Variants in MYT1L observed in about 807,000 individuals in gnomAD.
The protein encoded by MYT1L is myelin transcription factor 1 like, also known as myelin transcription factor 1-like protein.
MYT1L carries 12 observed loss-of-function variants against 126.7 expected under a neutral mutation model. The observed-to-expected ratio is 0.09, with a 90% CI of 0.06 to 0.15. The LOEUF (loss-of-function observed/expected upper bound fraction) is 0.15. MYT1L is among the 10% of genes least tolerant of loss of function. The pLI, the probability that MYT1L is intolerant of heterozygous loss-of-function variation, is 1.00. For synonymous variants in MYT1L, 541 were observed against 604.2 expected, an observed-to-expected ratio of 0.90 and a Z score of 1.53; for missense variants, 979 against 1,585.2, an observed-to-expected ratio of 0.62 and a Z score of 6.49.
chr2:1,982,460 A>G (rs2060683360), intron 5 of MYT1L, among the ~76,000 whole-genome samples: 1 of 152,240 alleles, frequency 6.6e-6, no homozygotes, highest in South Asian at 2.1e-4. Context: ...CTTCCATTGG[A>G]TTCCATGGAT....
intron 19 of MYT1L, among the ~76,000 whole-genome samples, chr2:1,843,776 C>A (rs1355088530): frequency 6.6e-6 from 1 of 152,208 alleles, no homozygotes; most frequent in Non-Finnish European, 1.5e-5. Flanking sequence ...AGGCCCTGCC[C>A]CCTGCCCTGT....
At chr2:2,177,905 T>C (rs1252346759) in intron 2 of MYT1L, among the ~76,000 whole-genome samples, 1 of 152,178 alleles carries the variant, frequency 6.6e-6, no homozygotes, top group Non-Finnish European at 1.5e-5. Context: ...TGTGCATGTG[T>C]GTGAATACAG....
rs1402193591 is a variant in MYT1L, at chr2:1,943,434, T to TA, written c.153-101dup. 1 of 1,318,512 alleles carries TA rather than the reference T, an allele frequency of 7.6e-7. No homozygotes were observed. Among genetic ancestry groups the TA allele is most frequent in the Non-Finnish European group, 1.0e-6 (1 of 991,844 alleles). The allele number at this position is 1,318,512 out of a possible 1,614,324, so 81.7% of individuals were successfully genotyped here. A position where few individuals can be genotyped will look rare whatever the true frequency, so the allele number is the denominator to read the frequency against. On this transcript the variant is annotated intron_variant, in intron 8 of 24. Transcript: ENST00000647738. This position sits in a 1 kb window ranked among gnomAD's most constrained non-coding sequence, Gnocchi z 4.4. The stretch of plus-strand genomic sequence containing the variant: ...CAATGGGGGCCTTGATCAAGGTACT[T>TA]AAAGGCTTATCATGAATGTCATCAG...
At position 1,979,753 on chromosome 2, in the gene MYT1L, G is replaced by T; in HGVS notation, c.25C>A (p.Arg9=). ...ACCCCTTTGGACCGCGTGCGATGCC[G>T]CTTCTCCTCGGTGTCCACCTCCATC... MEVDTEEK[R]HRTRSKGVRV... The change falls in exon 6 of 25, where the codon CGG becomes AGG. Residue 9 remains arginine (R), a synonymous_variant. Coordinates refer to ENST00000647738, the MANE Select transcript of MYT1L (RefSeq NM_001303052.2). This position sits in a 1 kb window ranked among gnomAD's most constrained non-coding sequence, Gnocchi z 4.0. The T allele has an allele frequency of 2.5e-6, 4 of 1,613,950 alleles. No individual in the cohort carries two copies. The highest frequency in any genetic ancestry group is 3.4e-6 in the Non-Finnish European group (4 of 1,179,890).
intron 8 of MYT1L, among the ~76,000 whole-genome samples, chr2:1,966,775 G>GAA (rs11443833): frequency 0.054 from 7,856 of 145,684 alleles, 235 homozygotes; most frequent in African/African-American, 0.074. Flanking sequence ...AATGTTAAGT[G>GAA]AAAAAAAAAA....
intron 2 of MYT1L, among the ~76,000 whole-genome samples, chr2:2,192,953 T>C (rs2092658988): frequency 6.6e-6 from 1 of 152,134 alleles, no homozygotes; most frequent in South Asian, 2.1e-4. Flanking sequence ...GTATACTCCC[T>C]GGCTCTTCAG....
intron 2 of MYT1L, among the ~76,000 whole-genome samples, chr2:2,203,021 C>A (rs907765676): frequency 6.6e-6 from 1 of 150,652 alleles, no homozygotes; most frequent in African/African-American, 2.5e-5. Flanking sequence ...AAGACAAAAA[C>A]CACATGATTA....
chr2:2,225,215 C>A (rs2093977948), intron 2 of MYT1L, among the ~76,000 whole-genome samples: 1 of 151,584 alleles, frequency 6.6e-6, no homozygotes, highest in Non-Finnish European at 1.5e-5. Flanking sequence ...CCTCTCCTCA[C>A]TCCCCTCAAC....
At chr2:1,821,780 G>A (rs2038567452) in intron 21 of MYT1L, among the ~76,000 whole-genome samples, 1 of 152,176 alleles carries the variant, frequency 6.6e-6, no homozygotes, top group Non-Finnish European at 1.5e-5. Flanking sequence ...AGGAGCAGGA[G>A]GAGCCGCTGG....
intron 2 of MYT1L, among the ~76,000 whole-genome samples, chr2:2,214,261 C>G (rs1429784108): frequency 1.1e-5 from 1 of 88,018 alleles, no homozygotes; most frequent in Non-Finnish European, 2.6e-5. Flanking sequence ...GACAAATTAT[C>G]TATCTATCTA....
chr2:2,310,027 T>A (rs984427471), intron 1 of MYT1L, among the ~76,000 whole-genome samples: 1 of 151,974 alleles, frequency 6.6e-6, no homozygotes, highest in Non-Finnish European at 1.5e-5. Context: ...CTATGTATAC[T>A]TCACTGGCAT....
At chr2:2,291,186 G>T (rs1202226769) in intron 1 of MYT1L, among the ~76,000 whole-genome samples, 1 of 152,104 alleles carries the variant, frequency 6.6e-6, no homozygotes, top group East Asian at 1.9e-4. Flanking sequence ...AAGCGAGAAT[G>T]ATGAAAAAAA....
At chr2:2,255,323 A>G (rs1349361517) in intron 2 of MYT1L, among the ~76,000 whole-genome samples, 1 of 152,126 alleles carries the variant, frequency 6.6e-6, no homozygotes, top group Non-Finnish European at 1.5e-5. Context: ...CACGCAATAT[A>G]TCAGGAGGAT....
intron 1 of MYT1L, among the ~76,000 whole-genome samples, chr2:2,292,235 A>G (rs2095610599): frequency 6.6e-6 from 1 of 152,196 alleles, no homozygotes; most frequent in Non-Finnish European, 1.5e-5. Context: ...GGCTCAGGAA[A>G]GACTGAAGGC....
intron 4 of MYT1L, among the ~76,000 whole-genome samples, chr2:2,004,398 C>A (rs575728058): frequency 0.017 from 2,131 of 127,284 alleles, 73 homozygotes; most frequent in Non-Finnish European, 0.024. Flanking sequence ...TTCTTTCCTG[C>A]ATGCGTTCTT....
intron 23 of MYT1L, among the ~76,000 whole-genome samples, chr2:1,800,797 T>A (rs1404729739): frequency 6.6e-6 from 1 of 151,972 alleles, no homozygotes; most frequent in Non-Finnish European, 1.5e-5. Flanking sequence ...CATCCAGTTC[T>A]CGGGGCTCAT....
chr2:2,178,105 TTTAC>T (rs2091030578), intron 2 of MYT1L, among the ~76,000 whole-genome samples: 1 of 152,112 alleles, frequency 6.6e-6, no homozygotes, highest in African/African-American at 2.4e-5. Flanking sequence ...ACTGTAATAA[TTTAC>T]TTGATTGCCA....
chr2:1,882,544 T>C (rs1379810891), intron 18 of MYT1L, among the ~76,000 whole-genome samples: 1 of 152,178 alleles, frequency 6.6e-6, no homozygotes, highest in Non-Finnish European at 1.5e-5. Context: ...CTCATTCCCC[T>C]GATAAGGAAA....
chr2:1,808,987 T>C, intron 22 of MYT1L, 89 bp downstream of exon 22: 3 of 1,145,332 alleles, frequency 2.6e-6, no homozygotes, highest in Non-Finnish European at 3.9e-6. Flanking sequence ...AAAAGTGAGC[T>C]GTAACTGTCA....
Sources: gnomAD v4.1 joint callset for allele counts (sites outside exome capture counted in the v4.1 genomes callset) on GRCh38, gnomAD v4.1.1 for gene constraint, Gnocchi (gnomAD v3.1) non-coding constraint, MANE v1.5 for transcripts, NCBI Gene and HGNC (gene_info 2026-07-23, HGNC 2026-07-21) for gene names.